The following SLC36A1 variants were observed in gnomAD, a reference collection of about 807,000 sequenced individuals.
The protein encoded by SLC36A1 is solute carrier family 36 member 1.
SLC36A1 carries 30 observed loss-of-function variants against 47.5 expected under a neutral mutation model. That is an observed-to-expected ratio of 0.63 (90% CI 0.47 to 0.86). The LOEUF is 0.86. Among genes scored for constraint, SLC36A1 ranks in the 40% least tolerant of loss-of-function variants. The pLI is 0.00. For synonymous variants in SLC36A1, 255 were observed against 249.7 expected (o/e 1.02, Z -0.20); for missense variants, 517 against 606.0 (o/e 0.85, Z 1.54).
the SLC36A1 span, among the ~76,000 whole-genome samples, chr5:151,377,521 G>T: frequency 6.6e-6 from 1 of 151,264 alleles, no homozygotes; most frequent in East Asian, 2.0e-4. Context: ...GCTAATTTTT[G>T]TATTTTTAGT....
the SLC36A1 span, among the ~76,000 whole-genome samples, chr5:151,526,765 A>C: frequency 2.0e-5 from 3 of 152,192 alleles, no homozygotes; most frequent in African/African-American, 2.4e-5. Flanking sequence ...TAGGACCCAG[A>C]ACTCTGCCTT....
intron 10 of SLC36A1, chr5:151,479,962 C>T: frequency 1.5e-6 from 1 of 646,548 alleles, no homozygotes; most frequent in Non-Finnish European, 2.6e-6. Flanking sequence ...TAATGTCAGT[C>T]TTACTAAATA....
the SLC36A1 span, among the ~76,000 whole-genome samples, chr5:151,351,591 G>A: frequency 6.6e-6 from 1 of 152,122 alleles, no homozygotes; most frequent in South Asian, 2.1e-4. Flanking sequence ...CAACTCTTAT[G>A]ACCCAACTGA....
At chr5:151,409,597 C>G in the SLC36A1 span, among the ~76,000 whole-genome samples, 12 of 152,300 alleles carry the variant, frequency 7.9e-5, no homozygotes, top group East Asian at 2.3e-3. Context: ...CCAGCAGCAT[C>G]AGCATTACCT....
chr5:151,434,449 C>T (rs1759651621), upstream of SLC36A1, among the ~76,000 whole-genome samples: 1 of 151,818 alleles, frequency 6.6e-6, no homozygotes, highest in Admixed American at 6.6e-5. Context: ...AATGGATGGG[C>T]TTGATAGGAG....
chr5:151,455,020 G>T (rs1284931627), intron 1 of SLC36A1, among the ~76,000 whole-genome samples: 2 of 152,010 alleles, frequency 1.3e-5, no homozygotes, highest in East Asian at 3.9e-4. Flanking sequence ...CTGACCCCTG[G>T]ATATACCACA....
chr5:151,555,018 T>A, the SLC36A1 span, among the ~76,000 whole-genome samples: 1 of 152,246 alleles, frequency 6.6e-6, no homozygotes, highest in Non-Finnish European at 1.5e-5. Context: ...TTTCCTTAAG[T>A]TGCTCGATTA....
the SLC36A1 span, chr5:151,505,248 G>C: frequency 2.2e-6 from 1 of 444,912 alleles, no homozygotes; most frequent in Non-Finnish European, 4.0e-6. Context: ...CGGGGACTGA[G>C]AGCCGGCAGA....
At chr5:151,485,243 G>A (rs60609029) in intron 10 of SLC36A1, among the ~76,000 whole-genome samples, 9,030 of 152,196 alleles carry the variant, frequency 0.059, 822 homozygotes, top group African/African-American at 0.2. Context: ...CCTTGAGATC[G>A]GTGAAGATGT....
chr5:151,541,635 G>T, the SLC36A1 span, among the ~76,000 whole-genome samples: 1 of 152,344 alleles, frequency 6.6e-6, no homozygotes, highest in East Asian at 1.9e-4. Context: ...CCACTGGTTA[G>T]CTGGCTTAGC....
At chr5:151,403,116 C>A in the SLC36A1 span, among the ~76,000 whole-genome samples, 1 of 152,088 alleles carries the variant, frequency 6.6e-6, no homozygotes, top group Non-Finnish European at 1.5e-5. Flanking sequence ...AATTTGAGAT[C>A]TTTCTAGCTT....
At chr5:151,550,282 C>G in the SLC36A1 span, among the ~76,000 whole-genome samples, 2 of 152,264 alleles carry the variant, frequency 1.3e-5, no homozygotes, top group South Asian at 4.2e-4. Flanking sequence ...CCTTCCAGCT[C>G]TGACATTACA....
chr5:151,398,725 A>G, the SLC36A1 span, among the ~76,000 whole-genome samples: 1 of 152,188 alleles, frequency 6.6e-6, no homozygotes, highest in Non-Finnish European at 1.5e-5. Context: ...ACAGGGGAAG[A>G]ATTTGAGTGG....
intron 1 of SLC36A1, among the ~76,000 whole-genome samples, chr5:151,457,768 G>A (rs1213701580): frequency 1.3e-5 from 2 of 152,120 alleles, no homozygotes. Context: ...AGAACGGCAT[G>A]TGTGGCTCTG....
At chr5:151,504,098 T>TA in the SLC36A1 span, 1 of 151,070 alleles carries the variant, frequency 6.6e-6, no homozygotes, top group Non-Finnish European at 1.5e-5. Flanking sequence ...AAAATAACAG[T>TA]AAAAAAAGAT....
At chr5:151,383,044 G>A in the SLC36A1 span, among the ~76,000 whole-genome samples, 3 of 152,174 alleles carry the variant, frequency 2.0e-5, no homozygotes, top group Admixed American at 6.5e-5. Context: ...GATTACAGGA[G>A]TGAGCCACCG....
chr5:151,550,899 C>T, the SLC36A1 span: 2 of 1,604,146 alleles, frequency 1.2e-6, no homozygotes, highest in Non-Finnish European at 8.5e-7. Flanking sequence ...GGAGAAGGTG[C>T]ACTGCAAGCC....
the SLC36A1 span, among the ~76,000 whole-genome samples, chr5:151,501,863 A>G: frequency 2.7e-5 from 4 of 148,232 alleles, no homozygotes; most frequent in Non-Finnish European, 5.9e-5. Context: ...AGTAACTTAA[A>G]GTGGACCATA....
chr5:151,381,805 A>G, the SLC36A1 span, among the ~76,000 whole-genome samples: 1 of 151,754 alleles, frequency 6.6e-6, no homozygotes, highest in Non-Finnish European at 1.5e-5. Context: ...CCCCCTACCC[A>G]CCATGTTATC....
Sources: gnomAD v4.1 joint callset for allele counts (sites outside exome capture counted in the v4.1 genomes callset) on GRCh38, gnomAD v4.1.1 for gene constraint, MANE v1.5 for transcripts, NCBI Gene and HGNC (gene_info 2026-07-23, HGNC 2026-07-21) for gene names.